Variants in GSK3B observed in about 807,000 individuals in gnomAD.
GSK3B encodes the protein glycogen synthase kinase 3 beta.
A neutral mutation model predicts 56.4 loss-of-function variants in GSK3B; 15 were observed. That is an observed-to-expected ratio of 0.27 (90% confidence interval 0.18 to 0.41). The LOEUF (loss-of-function observed/expected upper bound fraction) is 0.41, where lower values mean the gene tolerates loss of function less well. GSK3B is among the 10% of genes least tolerant of loss of function. The pLI, the probability that GSK3B is intolerant of heterozygous loss-of-function variation, is 1.00. For synonymous variants in GSK3B, 181 were observed against 188.9 expected (o/e 0.96, Z 0.34); for missense variants, 300 against 513.4 (o/e 0.58, Z 4.02).
rs1358918180 is a variant in GSK3B at position 120,055,719 on chromosome 3, GAT to G, written c.88+37626_88+37627del. Among the ~76,000 whole-genome samples the G allele has an allele frequency of 2.6e-5, 4 of 152,272 alleles. No individual in the cohort carries two copies. The East Asian group carries it at 7.7e-4, about 29-fold the overall frequency. The stretch of plus-strand genomic sequence containing the variant: ...TCTCAGTAACAACTGGGAAAAAGCA[GAT>G]ATGTCTACTGTTTCATCCTAGTCAG... On this transcript the variant is annotated intron_variant, in intron 1 of 10. Coordinates refer to ENST00000264235, the MANE Select transcript of GSK3B (RefSeq NM_001146156.2).
At chr3:120,054,227 C>G (rs1023867292) in intron 1 of GSK3B, among the ~76,000 whole-genome samples, 1 of 151,414 alleles carries the variant, frequency 6.6e-6, no homozygotes, top group African/African-American at 2.4e-5. Flanking sequence ...CTCTCATTCC[C>G]TCCTCTCTCT....
intron 3 of GSK3B, among the ~76,000 whole-genome samples, chr3:119,943,716 A>G (rs1201411973): frequency 6.6e-6 from 1 of 152,166 alleles, no homozygotes; most frequent in African/African-American, 2.4e-5. Flanking sequence ...AGAAACCCAG[A>G]GAAAGAGGTT....
intron 8 of GSK3B, among the ~76,000 whole-genome samples, chr3:119,872,074 T>G (rs914699717): frequency 2.0e-5 from 3 of 152,094 alleles, no homozygotes; most frequent in African/African-American, 7.2e-5. Flanking sequence ...CACTCGAAAG[T>G]GGGCGGGAAG....
intron 1 of GSK3B, among the ~76,000 whole-genome samples, chr3:120,015,668 A>AC (rs2057819179): frequency 6.7e-6 from 1 of 150,166 alleles, no homozygotes; most frequent in Non-Finnish European, 1.5e-5. Context: ...AAAAAAAAAA[A>AC]AAAAAAAAAA....
intron 1 of GSK3B, among the ~76,000 whole-genome samples, chr3:120,007,557 AG>A (rs1442348987): frequency 3.9e-5 from 6 of 152,202 alleles, no homozygotes; most frequent in Non-Finnish European, 8.8e-5. Flanking sequence ...CACATCAAAA[AG>A]CTTATCCACC....
At chr3:119,867,158 G>T (rs912321952) in intron 8 of GSK3B, among the ~76,000 whole-genome samples, 7 of 152,120 alleles carry the variant, frequency 4.6e-5, no homozygotes, top group African/African-American at 1.7e-4. Context: ...GTGATGAGAG[G>T]AAAGTAATAA....
intron 7 of GSK3B, among the ~76,000 whole-genome samples, chr3:119,881,372 G>A (rs1048094305): frequency 1.3e-5 from 2 of 152,146 alleles, no homozygotes; most frequent in African/African-American, 4.8e-5. Flanking sequence ...GCTGTGACTG[G>A]GATGGGGCAA....
At chr3:120,003,088 G>A (rs2057694051) in intron 1 of GSK3B, among the ~76,000 whole-genome samples, 1 of 152,166 alleles carries the variant, frequency 6.6e-6, no homozygotes, top group Non-Finnish European at 1.5e-5. Flanking sequence ...GTGGAGAAAA[G>A]AATGTTAATT....
intron 1 of GSK3B, among the ~76,000 whole-genome samples, chr3:120,044,910 A>G (rs1030480909): frequency 2.6e-5 from 4 of 152,258 alleles, no homozygotes; most frequent in South Asian, 2.1e-4. Flanking sequence ...AAGGGATTAC[A>G]GCTTTATCCA....
intron 2 of GSK3B, among the ~76,000 whole-genome samples, chr3:119,970,806 C>CA (rs140430600): frequency 0.24 from 36,133 of 149,864 alleles, 4,775 homozygotes; most frequent in East Asian, 0.48. Flanking sequence ...AACAAACAAA[C>CA]AAAAAAAACA....
At chr3:119,852,383 C>G (rs1341820814) in intron 9 of GSK3B, among the ~76,000 whole-genome samples, 1 of 151,458 alleles carries the variant, frequency 6.6e-6, no homozygotes, top group Non-Finnish European at 1.5e-5. Flanking sequence ...GAGTCTCGCT[C>G]TGCTGCCTAG....
chr3:119,887,803 T>C (rs888271996), intron 7 of GSK3B, among the ~76,000 whole-genome samples: 5 of 151,982 alleles, frequency 3.3e-5, no homozygotes, highest in African/African-American at 1.2e-4. Context: ...CTATAAAAAC[T>C]CATAATCAAC....
chr3:120,017,887 T>C (rs78796384), intron 1 of GSK3B, among the ~76,000 whole-genome samples: 2,991 of 152,318 alleles, frequency 0.02, 54 homozygotes, highest in Non-Finnish European at 0.031. Flanking sequence ...CTTTGGAAAC[T>C]AAAGTCTGAA....
rs1159737610 is a variant in GSK3B at position 119,865,435 on chromosome 3, GATATATATAT to G, written c.910-1840_910-1831del. ...AAACCAGTATTATAAGCTTATTTCC[GATATATATAT>G]ATATATATATATATATATATATTTT... On this transcript the variant is annotated intron_variant, in intron 8 of 10. Coordinates refer to ENST00000264235, the MANE Select transcript of GSK3B (RefSeq NM_001146156.2). Among the ~76,000 whole-genome samples the G allele has an allele frequency of 5.2e-3, 150 of 28,648 alleles. 1 individual carries two copies. Among genetic ancestry groups the G allele is most frequent in the Admixed American group, 6.6e-3 (10 of 1,518 alleles). 18.8% of individuals were successfully genotyped at this position (28,648 alleles called of 152,430 possible).
intron 8 of GSK3B, among the ~76,000 whole-genome samples, chr3:119,864,682 G>A (rs892480147): frequency 6.6e-6 from 1 of 152,228 alleles, no homozygotes; most frequent in Admixed American, 6.5e-5. Flanking sequence ...AGGTTTCCTC[G>A]TAAGAATGGC....
At chr3:119,944,349 C>T (rs1042717567) in intron 3 of GSK3B, among the ~76,000 whole-genome samples, 4 of 152,034 alleles carry the variant, frequency 2.6e-5, no homozygotes, top group Admixed American at 1.3e-4. Context: ...CTCACCTAAA[C>T]GTCAAAAGAA....
At chr3:120,053,787 A>C (rs1247387743) in intron 1 of GSK3B, among the ~76,000 whole-genome samples, 2 of 152,126 alleles carry the variant, frequency 1.3e-5, no homozygotes, top group African/African-American at 2.4e-5. Context: ...TGGTTTTATA[A>C]GGGGGAGTTT....
At chr3:119,863,228 T>C (rs1015271717) in intron 9 of GSK3B, among the ~76,000 whole-genome samples, 191 bp downstream of exon 9, 1 of 152,248 alleles carries the variant, frequency 6.6e-6, no homozygotes, top group Non-Finnish European at 1.5e-5. Context: ...TGGAAAACTT[T>C]TACGTGCTAC....
chr3:119,992,189 A>C (rs1241943006), intron 2 of GSK3B, among the ~76,000 whole-genome samples: 1 of 152,136 alleles, frequency 6.6e-6, no homozygotes, highest in Non-Finnish European at 1.5e-5. Flanking sequence ...CTACAAGGGC[A>C]TATTAACCCT....
Sources: gnomAD v4.1 joint callset for allele counts (sites outside exome capture counted in the v4.1 genomes callset) on GRCh38, gnomAD v4.1.1 for gene constraint, MANE v1.5 for transcripts, NCBI Gene and HGNC (gene_info 2026-07-23, HGNC 2026-07-21) for gene names.